The following RBMS1 variants were observed in gnomAD, a reference collection of about 807,000 sequenced individuals.
RBMS1 encodes RNA-binding motif, single-stranded-interacting protein 1.
A neutral mutation model predicts 62.3 loss-of-function variants in RBMS1; 17 were observed. The ratio of observed to expected loss-of-function variants is 0.27; its 90% CI spans 0.19 to 0.41. The LOEUF is 0.41. Ranked by LOEUF, RBMS1 falls within the 10% of genes least tolerant of loss-of-function variation. RBMS1 has a pLI of 1.00. For synonymous variants in RBMS1, 172 were observed against 170.0 expected (o/e 1.01, Z -0.09); for missense variants, 334 against 504.5 (o/e 0.66, Z 3.24).
chr2:160,441,359 T>C (rs1683402015), intron 1 of RBMS1, among the ~76,000 whole-genome samples: 1 of 152,252 alleles, frequency 6.6e-6, no homozygotes, highest in African/African-American at 2.4e-5. Context: ...CCTATGTTTT[T>C]ATTTCTTGTT....
chr2:160,337,510 C>T (rs1369547690), intron 2 of RBMS1, among the ~76,000 whole-genome samples: 1 of 152,084 alleles, frequency 6.6e-6, no homozygotes, highest in Non-Finnish European at 1.5e-5. Flanking sequence ...CACAGCAGAA[C>T]ATCCTACAAT....
chr2:160,389,698 C>CAAA (rs61570926), intron 1 of RBMS1, among the ~76,000 whole-genome samples: 41 of 50,382 alleles, frequency 8.1e-4, no homozygotes, highest in African/African-American at 3.1e-3. Context: ...ACTCTTGTCT[C>CAAA]AAAAAAAAAA....
intron 7 of RBMS1, 137 bp from the exon 8 acceptor site, chr2:160,285,181 C>T (rs1688312416): frequency 1.3e-6 from 1 of 777,362 alleles, no homozygotes; most frequent in African/African-American, 1.7e-5. Context: ...CCTTTTGAAG[C>T]CCAGGAGTTC....
intron 2 of RBMS1, among the ~76,000 whole-genome samples, chr2:160,351,511 C>T (rs915174142): frequency 5.3e-5 from 8 of 152,066 alleles, no homozygotes; most frequent in African/African-American, 1.4e-4. Context: ...TAATTAAAGG[C>T]GGGGCAATTA....
chr2:160,338,501 G>T (rs1222972006), intron 2 of RBMS1, among the ~76,000 whole-genome samples: 3 of 152,134 alleles, frequency 2.0e-5, no homozygotes, highest in Non-Finnish European at 2.9e-5. Flanking sequence ...AGGTCTAGAT[G>T]AAAGTGCACA....
chr2:160,284,229 G>C (rs1036061281), intron 9 of RBMS1: 2 of 153,532 alleles, frequency 1.3e-5, no homozygotes, highest in Non-Finnish European at 2.9e-5. Context: ...TGCTAAGTTG[G>C]GAATTTATTT....
chr2:160,281,542 G>C (rs1688105664), intron 9 of RBMS1, 178 bp from the exon 10 acceptor site: 1 of 495,650 alleles, frequency 2.0e-6, no homozygotes, highest in Non-Finnish European at 3.6e-6. Context: ...ACTCTGAACA[G>C]GATGAAATGA....
At position 160,367,373 on chromosome 2, in the gene RBMS1, G is replaced by A. The variant is rs760937819; in HGVS notation, c.94C>T (p.His32Tyr). 6.2e-7 allele frequency: 1 copy of A among 1,614,002 alleles called. No individual in the cohort carries two copies. The highest frequency in any genetic ancestry group is 1.7e-5 in the Admixed American group (1 of 60,020). ...LQAKQSLVPA[H>Y]PMAPPSPSTT... ...CTGGGACTGGGAGGGGCCATGGGGTGGGCTGGGACCAGAGACTGCTGGAAA... is the reference window on the plus strand; with the variant it reads ...CTGGGACTGGGAGGGGCCATGGGGTAGGCTGGGACCAGAGACTGCTGGAAA... The change falls in exon 2 of 14, where the codon CAC becomes TAC. Residue 32 changes from histidine (H) to tyrosine (Y), a missense_variant. Transcript: ENST00000348849.
At chr2:160,347,495 T>C (rs531156837) in intron 2 of RBMS1, among the ~76,000 whole-genome samples, 1 of 152,296 alleles carries the variant, frequency 6.6e-6, no homozygotes, top group South Asian at 2.1e-4. Flanking sequence ...TGAATTCCAG[T>C]GATGCCAAAG....
At chr2:160,350,516 A>G (rs1692434964) in intron 2 of RBMS1, among the ~76,000 whole-genome samples, 2 of 152,142 alleles carry the variant, frequency 1.3e-5, no homozygotes, top group South Asian at 4.1e-4. Flanking sequence ...CTGTCTACAC[A>G]AGCCAAGGAA....
chr2:160,390,089 T>C (rs1409672731), intron 1 of RBMS1, among the ~76,000 whole-genome samples: 2 of 152,200 alleles, frequency 1.3e-5, no homozygotes, highest in African/African-American at 4.8e-5. Flanking sequence ...GGTAACCTGA[T>C]ACCTTAATGG....
chr2:160,406,025 A>C (rs1695685739), intron 1 of RBMS1, among the ~76,000 whole-genome samples: 1 of 152,206 alleles, frequency 6.6e-6, no homozygotes, highest in African/African-American at 2.4e-5. Context: ...ACATGAAATG[A>C]CTTCGAGATG....
intron 1 of RBMS1, among the ~76,000 whole-genome samples, chr2:160,393,733 C>T (rs749438856): frequency 5.3e-5 from 8 of 149,846 alleles, no homozygotes; most frequent in Admixed American, 2.0e-4. Context: ...GCTGAGATCA[C>T]GCCATTGCAC....
At chr2:160,335,129 C>G (rs959865120) in intron 2 of RBMS1, among the ~76,000 whole-genome samples, 3 of 152,072 alleles carry the variant, frequency 2.0e-5, no homozygotes, top group Non-Finnish European at 2.9e-5. Context: ...AGAAATGATT[C>G]CTGGAGAAAT....
Position 160,347,605 on chromosome 2 carries a change from G to T in RBMS1, c.251+19611C>A, listed in dbSNP as rs1042950354. On this transcript the variant is annotated intron_variant, in intron 2 of 13. Coordinates refer to ENST00000348849, the MANE Select transcript of RBMS1 (RefSeq NM_016836.4). ...CAGTTTTCTCATCGAAGGTCAACAA[G>T]TACCAGTATAAACCAGCCCTGAATA... Among the ~76,000 whole-genome samples the T allele has an allele frequency of 3.4e-4, 52 of 152,094 alleles. 1 individual carries two copies. The highest frequency in any genetic ancestry group is 6.3e-4 in the Non-Finnish European group (43 of 67,992).
intron 1 of RBMS1, among the ~76,000 whole-genome samples, chr2:160,429,699 CAT>C (rs930186381): frequency 2.6e-5 from 4 of 152,102 alleles, no homozygotes; most frequent in Non-Finnish European, 4.4e-5. Context: ...AATGAATAAG[CAT>C]TCTTATTCAT....
At chr2:160,283,632 T>G (rs1442659406) in intron 9 of RBMS1, 2 of 152,218 alleles carry the variant, frequency 1.3e-5, no homozygotes, top group Non-Finnish European at 2.9e-5. Context: ...CAGAATTAGT[T>G]ATATGACATT....
chr2:160,320,383 G>A (rs1211971599), intron 2 of RBMS1, among the ~76,000 whole-genome samples: 1 of 152,188 alleles, frequency 6.6e-6, no homozygotes, highest in African/African-American at 2.4e-5. Flanking sequence ...TGAGGTGGGA[G>A]GGTCGCTTTA....
chr2:160,493,273 C>A lies in RBMS1; in HGVS notation c.75+16G>T. 6.2e-7 allele frequency: 1 copy of A among 1,612,102 alleles called. No individual in the cohort carries two copies. The highest frequency in any genetic ancestry group is 8.5e-7 in the Non-Finnish European group (1 of 1,178,442). On this transcript the variant is annotated intron_variant, in intron 1 of 13. Transcript: ENST00000348849. ...CCCCCTCCTCCGGCCGTCACCTCTCCCCGGCGCCCCTTTACCTTGGCTTGC... is the reference window on the plus strand; with the variant it reads ...CCCCCTCCTCCGGCCGTCACCTCTCACCGGCGCCCCTTTACCTTGGCTTGC...
Sources: allele counts gnomAD v4.1 joint callset (sites outside exome capture counted in the v4.1 genomes callset), GRCh38; gene constraint gnomAD v4.1.1; transcripts MANE v1.5; gene names NCBI Gene and HGNC (gene_info 2026-07-23, HGNC 2026-07-21).